ATXN8OS: variants seen among roughly 807,000 people sequenced by gnomAD.
The protein encoded by ATXN8OS is ATXN8 opposite strand (non-protein coding).
rs117471214 is a variant in ATXN8OS, at chr13:70,135,833, A to G, written n.499+5949A>G. Among the ~76,000 whole-genome samples the G allele has an allele frequency of 2.2e-3, 333 of 152,326 alleles. 8 individuals carry two copies. In the South Asian group the frequency reaches 0.04, roughly 18 times the overall value. The stretch of plus-strand genomic sequence containing the variant: ...TAGTACATGACATAAAATTGAATCA[A>G]TTATCTAAAAAACAAAACAAAACTA... On this transcript the variant is annotated intron_variant and non_coding_transcript_variant, in intron 3 of 4. Coordinates refer to ENST00000678624, the Ensembl canonical transcript of ATXN8OS.
At chr13:70,128,452 C>CCT (rs1888476227) in intron 2 of ATXN8OS, among the ~76,000 whole-genome samples, 1 of 151,744 alleles carries the variant, frequency 6.6e-6, no homozygotes, top group Admixed American at 6.6e-5. Context: ...CGTAGTTGTA[C>CCT]TAAGAAGGGG....
At chr13:70,139,377 ACTACTACTGCTG>A (rs1407642368) in intron 3 of ATXN8OS, 167 of 646,080 alleles carry the variant, frequency 2.6e-4, no homozygotes, top group Non-Finnish European at 2.9e-4. Context: ...TACTACTACT[ACTACTACTGCTG>A]CTGCTGCTGC....
intron 3 of ATXN8OS, among the ~76,000 whole-genome samples, chr13:70,138,765 A>AT (rs1888654397): frequency 6.6e-6 from 1 of 152,162 alleles, no homozygotes; most frequent in African/African-American, 2.4e-5. Context: ...ATTATTAGTA[A>AT]TTAGAGGTAA....
intron 1 of ATXN8OS, among the ~76,000 whole-genome samples, chr13:70,112,203 C>T (rs923404222): frequency 4.6e-5 from 7 of 152,168 alleles, no homozygotes; most frequent in African/African-American, 1.2e-4. Context: ...GAAAGATGGA[C>T]GCCCACCCTT....
intron 1 of ATXN8OS, among the ~76,000 whole-genome samples, chr13:70,114,558 ATTCTTTAAAT>A (rs1323746969): frequency 1.3e-5 from 2 of 152,148 alleles, no homozygotes; most frequent in Non-Finnish European, 2.9e-5. Flanking sequence ...ATTATATTAC[ATTCTTTAAAT>A]TTCTTCACAC....
chr13:70,132,181 T>C (rs888253843), intron 3 of ATXN8OS, among the ~76,000 whole-genome samples: 1 of 152,108 alleles, frequency 6.6e-6, no homozygotes, highest in African/African-American at 2.4e-5. Flanking sequence ...TATTGCTTAC[T>C]GGACTATTCA....
chr13:70,168,101 T>C (rs4418948), intron 4 of ATXN8OS, among the ~76,000 whole-genome samples: 1 of 152,060 alleles, frequency 6.6e-6, no homozygotes, highest in Admixed American at 6.6e-5. Context: ...CCATATACTT[T>C]TTTTGTTCTT....
intron 4 of ATXN8OS, among the ~76,000 whole-genome samples, chr13:70,159,347 A>G (rs954504295): frequency 1.3e-5 from 2 of 151,952 alleles, no homozygotes; most frequent in Admixed American, 1.3e-4. Context: ...AAAGTTTTAT[A>G]TATTTATTTC....
At chr13:70,145,495 C>A (rs1299140144) in intron 3 of ATXN8OS, among the ~76,000 whole-genome samples, 1 of 151,878 alleles carries the variant, frequency 6.6e-6, no homozygotes, top group African/African-American at 2.4e-5. Context: ...ATGGAATGTT[C>A]TTCCATTTGT....
intron 3 of ATXN8OS, among the ~76,000 whole-genome samples, chr13:70,137,972 G>A (rs1308648201): frequency 6.6e-6 from 1 of 152,214 alleles, no homozygotes. Flanking sequence ...GCAGGGGATA[G>A]AGAGAGCAAA....
At chr13:70,149,291 T>C (rs1888834564) in intron 4 of ATXN8OS, among the ~76,000 whole-genome samples, 1 of 152,068 alleles carries the variant, frequency 6.6e-6, no homozygotes, top group Non-Finnish European at 1.5e-5. Flanking sequence ...AATCATAGAT[T>C]ATATGGAAAG....
At chr13:70,126,431 G>A (rs1329753880) in intron 2 of ATXN8OS, among the ~76,000 whole-genome samples, 1 of 151,970 alleles carries the variant, frequency 6.6e-6, no homozygotes, top group Non-Finnish European at 1.5e-5. Context: ...TCAATACATG[G>A]CCTATTTATT....
chr13:70,121,401 T>C (rs943126002), intron 2 of ATXN8OS, among the ~76,000 whole-genome samples: 5 of 152,122 alleles, frequency 3.3e-5, no homozygotes, highest in East Asian at 1.9e-4. Flanking sequence ...CTATCTCCAA[T>C]AGAAACTGAG....
chr13:70,144,436 A>C (rs1031687557), intron 3 of ATXN8OS, among the ~76,000 whole-genome samples: 1 of 152,066 alleles, frequency 6.6e-6, no homozygotes, highest in Non-Finnish European at 1.5e-5. Flanking sequence ...TATTTTCTGA[A>C]TAGAAGTTGC....
intron 3 of ATXN8OS, among the ~76,000 whole-genome samples, chr13:70,138,051 C>A (rs74442279): frequency 6.6e-6 from 1 of 152,148 alleles, no homozygotes; most frequent in Non-Finnish European, 1.5e-5. Context: ...AACAACATGG[C>A]GGAAATCCGC....
intron 4 of ATXN8OS, among the ~76,000 whole-genome samples, chr13:70,152,042 T>C (rs950751369): frequency 1.3e-5 from 2 of 152,134 alleles, no homozygotes; most frequent in Non-Finnish European, 2.9e-5. Flanking sequence ...TGCTTACCTG[T>C]TTCCGTCCTG....
At chr13:70,145,398 G>A (rs1210061244) in intron 3 of ATXN8OS, among the ~76,000 whole-genome samples, 3 of 151,660 alleles carry the variant, frequency 2.0e-5, no homozygotes, top group Non-Finnish European at 4.4e-5. Flanking sequence ...AAAGTCATTG[G>A]TAGCTTGATG....
intron 1 of ATXN8OS, among the ~76,000 whole-genome samples, chr13:70,109,800 T>C (rs929215052): frequency 6.6e-6 from 1 of 152,104 alleles, no homozygotes; most frequent in Non-Finnish European, 1.5e-5. Context: ...GGGAAGAAAA[T>C]AGTTTATGAA....
At chr13:70,107,672 C>G, upstream of ATXN8OS, 1 of 1,534,418 alleles carries the variant, frequency 6.5e-7, no homozygotes, top group Non-Finnish European at 8.7e-7. Context: ...TGCTTCACAT[C>G]GAAGTCTTTT....
Sources: gnomAD v4.1 joint callset for allele counts (sites outside exome capture counted in the v4.1 genomes callset) on GRCh38, gnomAD v4.1.1 for gene constraint, MANE v1.5 for transcripts, NCBI Gene and HGNC (gene_info 2026-07-23, HGNC 2026-07-21) for gene names.